The following CDK5RAP2 variants were observed in gnomAD, a reference collection of about 807,000 sequenced individuals.
CDK5RAP2 encodes CDK5 regulatory subunit-associated protein 2.
In CDK5RAP2, 147 loss-of-function variants were observed where a neutral mutation model predicts 232.9. The ratio of observed to expected loss-of-function variants is 0.63; its 90% CI spans 0.55 to 0.72. CDK5RAP2 has a LOEUF of 0.72. Among genes scored for constraint, CDK5RAP2 ranks in the 30% least tolerant of loss-of-function variants. The pLI is 0.00. For synonymous variants in CDK5RAP2, 833 were observed against 833.7 expected (o/e 1.00, Z 0.01); for missense variants, 2,195 against 2,231.5 (o/e 0.98, Z 0.33).
At chr9:120,539,185 G>T (rs745509895) in intron 5 of CDK5RAP2, 21 bp from the exon 6 acceptor site, 1 of 1,613,488 alleles carries the variant, frequency 6.2e-7, no homozygotes. Flanking sequence ...AGGCACAGGG[G>T]TAAAACATGC....
chr9:120,478,047 A>G (rs2038112151), intron 14 of CDK5RAP2, among the ~76,000 whole-genome samples: 1 of 152,212 alleles, frequency 6.6e-6, no homozygotes, highest in African/African-American at 2.4e-5. Flanking sequence ...TGTGGATGTC[A>G]TTTTATGAAT....
intron 15 of CDK5RAP2, among the ~76,000 whole-genome samples, chr9:120,474,150 A>G (rs1418167187): frequency 1.3e-5 from 2 of 152,186 alleles, no homozygotes; most frequent in South Asian, 2.1e-4. Context: ...GATTGTGTTG[A>G]GGAATAAATG....
intron 18 of CDK5RAP2, among the ~76,000 whole-genome samples, chr9:120,462,784 G>T (rs1001769007): frequency 2.6e-5 from 4 of 152,162 alleles, no homozygotes; most frequent in Non-Finnish European, 5.9e-5. Context: ...TCTTGATAGG[G>T]GTTTGCCTTA....
intron 37 of CDK5RAP2, 52 bp from the exon 38 acceptor site, chr9:120,389,344 G>T: frequency 7.0e-7 from 1 of 1,434,578 alleles, no homozygotes; most frequent in East Asian, 2.3e-5. Flanking sequence ...GGAGGTTTCT[G>T]AAGTAAGACC....
rs2040475702 is a variant in CDK5RAP2 at position 120,518,652 on chromosome 9, G to A, written c.1093-7C>T. Reference sequence around the variant, plus strand: ...TCTCATAGTCTTCAGACCCCTAGAAGAGAAGGCAGAGAAGCAAGATGAGCT... The same window carrying A: ...TCTCATAGTCTTCAGACCCCTAGAAAAGAAGGCAGAGAAGCAAGATGAGCT... On this transcript the variant is annotated splice_region_variant and splice_polypyrimidine_tract_variant and intron_variant, in intron 11 of 37. Transcript: ENST00000349780. 1 of 1,609,174 alleles carries A rather than the reference G, an allele frequency of 6.2e-7. No individual in the cohort carries two copies. The highest frequency in any genetic ancestry group is 8.5e-7 in the Non-Finnish European group (1 of 1,175,816).
intron 25 of CDK5RAP2, among the ~76,000 whole-genome samples, chr9:120,432,168 T>C (rs929769508): frequency 1.3e-5 from 2 of 152,244 alleles, no homozygotes; most frequent in South Asian, 4.1e-4. Flanking sequence ...GTTCATCTAA[T>C]GGGGAATTAT....
intron 36 of CDK5RAP2, among the ~76,000 whole-genome samples, chr9:120,390,584 G>A (rs190025140): frequency 6.6e-6 from 1 of 152,328 alleles, no homozygotes; most frequent in Admixed American, 6.5e-5. Context: ...GCTTTTTCTT[G>A]TCCAACACAA....
At chr9:120,423,474 A>C (rs922917366) in intron 25 of CDK5RAP2, among the ~76,000 whole-genome samples, 1 of 152,218 alleles carries the variant, frequency 6.6e-6, no homozygotes, top group Non-Finnish European at 1.5e-5. Context: ...TGTCTACAGC[A>C]GGGGAAATGA....
At chr9:120,546,757 C>T (rs1466977174) in intron 4 of CDK5RAP2, among the ~76,000 whole-genome samples, 10 of 152,056 alleles carry the variant, frequency 6.6e-5, no homozygotes, top group Non-Finnish European at 2.9e-5. Flanking sequence ...CCTCAACCTC[C>T]TGAGTATCTG....
chr9:120,555,138 G>C (rs1564373010), intron 3 of CDK5RAP2, among the ~76,000 whole-genome samples: 2 of 150,456 alleles, frequency 1.3e-5, no homozygotes, highest in Non-Finnish European at 3.0e-5. Context: ...ATTTTTTTGG[G>C]GGGGGGTGGG....
In CDK5RAP2 at chr9:120,525,097, T is replaced by A; in HGVS notation, c.1000-19A>T. On this transcript the variant is annotated intron_variant, in intron 10 of 37. Transcript: ENST00000349780. ...CTTCAACCTGGGGAAAAATAATGAA[T>A]ACCAGCCAAGTATGTAACTGGGCTC... 2 of 1,588,858 alleles carry A rather than the reference T, an allele frequency of 1.3e-6. No homozygotes were observed. The highest frequency in any genetic ancestry group is 1.7e-6 in the Non-Finnish European group (2 of 1,157,136).
At chr9:120,469,375 C>G (rs2037563101) in intron 17 of CDK5RAP2, among the ~76,000 whole-genome samples, 1 of 152,184 alleles carries the variant, frequency 6.6e-6, no homozygotes, top group Non-Finnish European at 1.5e-5. Context: ...GTACAGCTGC[C>G]CATACAGCAA....
chr9:120,397,544 TAAAAAAAAAAA>T (rs760469422), intron 35 of CDK5RAP2, among the ~76,000 whole-genome samples: 17 of 49,204 alleles, frequency 3.5e-4, no homozygotes, highest in Non-Finnish European at 5.1e-4. Flanking sequence ...AAAACATTCT[TAAAAAAAAAAA>T]AAAAAAAAAA....
In CDK5RAP2 at chr9:120,539,029, T is replaced by A. The variant is rs186697904; in HGVS notation, c.507+12A>T. 1.2e-6 allele frequency: 2 copies of A among 1,613,854 alleles called. No individual in the cohort carries two copies. Among genetic ancestry groups the A allele is most frequent in the South Asian group, 2.2e-5 (2 of 91,078 alleles). Reference sequence around the variant, plus strand: ...ATAAGAAATACACTGCCCTCAGGATTTCCAGACTTGCCTTTTCCAAAAGGA... The same window carrying A: ...ATAAGAAATACACTGCCCTCAGGATATCCAGACTTGCCTTTTCCAAAAGGA... On this transcript the variant is annotated intron_variant, in intron 6 of 37. Coordinates refer to ENST00000349780, the MANE Select transcript of CDK5RAP2 (RefSeq NM_018249.6).
chr9:120,393,207 C>G (rs1255767434), intron 36 of CDK5RAP2, among the ~76,000 whole-genome samples: 1 of 152,192 alleles, frequency 6.6e-6, no homozygotes, highest in African/African-American at 2.4e-5. Flanking sequence ...CTAGGATGCA[C>G]TCAGCACATC....
Position 120,449,890 on chromosome 9 carries a change from T to C in CDK5RAP2, c.2794-1764A>G, listed in dbSNP as rs113732115. 2.1e-3 allele frequency among the ~76,000 whole-genome samples: 315 copies of C among 152,262 alleles called. 2 individuals carry two copies. The highest frequency in any genetic ancestry group is 6.3e-3 in the African/African-American group (263 of 41,552). The stretch of plus-strand genomic sequence containing the variant: ...AACAAGTGTTGATGAAGCGGAGAAA[T>C]TGGAACCCTCACACACTGCTGGTGA... On this transcript the variant is annotated intron_variant, in intron 21 of 37. Transcript: ENST00000349780.
intron 12 of CDK5RAP2, among the ~76,000 whole-genome samples, chr9:120,510,143 G>T (rs1398074558): frequency 1.3e-5 from 2 of 152,142 alleles, no homozygotes; most frequent in African/African-American, 4.8e-5. Flanking sequence ...AATCTCATTT[G>T]GAGATATCCA....
intron 8 of CDK5RAP2, among the ~76,000 whole-genome samples, 190 bp downstream of exon 8, chr9:120,529,788 G>A (rs1487574987): frequency 1.3e-5 from 2 of 152,212 alleles, no homozygotes; most frequent in African/African-American, 2.4e-5. Flanking sequence ...TATAGGAACA[G>A]GAGACTAAGA....
At chr9:120,467,418 A>G (rs969656183) in intron 18 of CDK5RAP2, among the ~76,000 whole-genome samples, 1 of 152,146 alleles carries the variant, frequency 6.6e-6, no homozygotes, top group East Asian at 1.9e-4. Context: ...CATGACTGGA[A>G]CCTGAGGAAG....
Sources: gnomAD v4.1 joint callset for allele counts (sites outside exome capture counted in the v4.1 genomes callset) on GRCh38, gnomAD v4.1.1 for gene constraint, MANE v1.5 for transcripts, NCBI Gene and HGNC (gene_info 2026-07-23, HGNC 2026-07-21) for gene names.